Variants in PRKG1 observed in about 807,000 individuals in gnomAD.
PRKG1 encodes cGMP-dependent protein kinase 1.
PRKG1 carries 35 observed loss-of-function variants against 88.1 expected under a neutral mutation model. That is an observed-to-expected ratio of 0.40 (90% CI 0.30 to 0.53). The LOEUF is 0.53. PRKG1 is among the 20% of genes least tolerant of loss of function. PRKG1 has a pLI of 0.59. For missense variants in PRKG1, 540 were observed against 839.8 expected (o/e 0.64, Z 4.41); for synonymous variants, 303 against 292.5 (o/e 1.04, Z -0.37).
At chr10:51,223,026 C>T (rs7906841) in intron 2 of PRKG1, among the ~76,000 whole-genome samples, 6 of 147,740 alleles carry the variant, frequency 4.1e-5, no homozygotes, top group Non-Finnish European at 7.5e-5. Flanking sequence ...GGGGGTGGTG[C>T]GGGGGAGGGT....
intron 2 of PRKG1, among the ~76,000 whole-genome samples, chr10:51,371,461 A>G (rs1329805400): frequency 6.6e-6 from 1 of 152,132 alleles, no homozygotes; most frequent in African/African-American, 2.4e-5. Context: ...AGAGAGCGAG[A>G]GAGAAAAAAC....
chr10:51,363,957 GAGA>G lies in PRKG1; in HGVS notation c.479-103759_479-103757del, dbSNP rs1436898103. On this transcript the variant is annotated intron_variant, in intron 2 of 17. Transcript: ENST00000373980. ...CTTTGTTCTGTACAAATGGAAATTTGAGAAGAAGACCTCTTAGAAAATGCTAAA... is the reference window on the plus strand; with the variant it reads ...CTTTGTTCTGTACAAATGGAAATTTGAGAAGACCTCTTAGAAAATGCTAAA... Among the ~76,000 whole-genome samples the G allele has an allele frequency of 3.9e-5, 6 of 152,084 alleles. No homozygotes were observed. In the South Asian group the frequency reaches 1.0e-3, roughly 26 times the overall value.
At chr10:51,622,466 G>C (rs377010726) in intron 3 of PRKG1, among the ~76,000 whole-genome samples, 2 of 152,218 alleles carry the variant, frequency 1.3e-5, no homozygotes, top group South Asian at 2.1e-4. Context: ...GAAACTCTTT[G>C]GCAGCTATTT....
At chr10:51,163,471 G>C (rs892548742) in intron 2 of PRKG1, among the ~76,000 whole-genome samples, 2 of 152,150 alleles carry the variant, frequency 1.3e-5, no homozygotes, top group African/African-American at 2.4e-5. Context: ...CGCAGAAGAC[G>C]GGTGATTTCT....
chr10:51,312,832 C>CTTA (rs1841225928), intron 2 of PRKG1, among the ~76,000 whole-genome samples: 1 of 152,110 alleles, frequency 6.6e-6, no homozygotes, highest in Non-Finnish European at 1.5e-5. Flanking sequence ...ACTGTAAAAG[C>CTTA]TTATTCTTTG....
rs916436149 is a variant in PRKG1 at position 51,870,321 on chromosome 10, C to T, written c.699-37186C>T. On this transcript the variant is annotated intron_variant, in intron 4 of 17. Transcript: ENST00000373980. The stretch of plus-strand genomic sequence containing the variant: ...GGAATTAAAATTTCTTTATAAAAGA[C>T]GTCTTGTTCCTCCAGTGTTGTCAGA... Among the ~76,000 whole-genome samples, 6 of 152,118 alleles carry T rather than the reference C, an allele frequency of 3.9e-5. No individual in the cohort carries two copies. In the East Asian group the frequency reaches 7.8e-4, roughly 20 times the overall value.
At chr10:51,443,253 C>T (rs1463820474) in intron 2 of PRKG1, among the ~76,000 whole-genome samples, 2 of 151,958 alleles carry the variant, frequency 1.3e-5, no homozygotes, top group Non-Finnish European at 2.9e-5. Context: ...TAGAATATAG[C>T]CATGCTTACA....
intron 2 of PRKG1, among the ~76,000 whole-genome samples, chr10:51,340,535 C>G (rs1339975647): frequency 6.6e-6 from 1 of 152,140 alleles, no homozygotes; most frequent in Non-Finnish European, 1.5e-5. Flanking sequence ...GATGAATATG[C>G]AAAGACTTAA....
chr10:51,670,263 T>TA (rs982468862), intron 3 of PRKG1, among the ~76,000 whole-genome samples: 83 of 152,236 alleles, frequency 5.5e-4, no homozygotes, highest in African/African-American at 1.9e-3. Context: ...TTAATTTCAA[T>TA]ATGGTAATTT....
chr10:51,038,564 C>T (rs1339046088), intron 1 of PRKG1, among the ~76,000 whole-genome samples: 1 of 152,156 alleles, frequency 6.6e-6, no homozygotes, highest in Non-Finnish European at 1.5e-5. Context: ...CTCCCACAAA[C>T]AAGTGAGAGC....
intron 1 of PRKG1, among the ~76,000 whole-genome samples, chr10:51,012,998 C>T (rs902578846): frequency 3.3e-5 from 5 of 152,034 alleles, no homozygotes; most frequent in Admixed American, 2.6e-4. Context: ...GTTTGAGGTC[C>T]AGAAAAAAAG....
intron 3 of PRKG1, among the ~76,000 whole-genome samples, chr10:51,704,976 TGTG>T (rs1255591745): frequency 1.3e-5 from 2 of 152,206 alleles, no homozygotes; most frequent in Non-Finnish European, 2.9e-5. Context: ...TAATCTAAAT[TGTG>T]GTGGTTGTTC....
chr10:52,219,066 T>C (rs1840182231), intron 9 of PRKG1, among the ~76,000 whole-genome samples: 1 of 152,128 alleles, frequency 6.6e-6, no homozygotes, highest in Non-Finnish European at 1.5e-5. Context: ...TACATTCCCT[T>C]GTGGGACTTT....
chr10:51,228,093 C>T (rs768433094), intron 2 of PRKG1, among the ~76,000 whole-genome samples: 18 of 152,108 alleles, frequency 1.2e-4, no homozygotes, highest in Non-Finnish European at 1.2e-4. Flanking sequence ...GGAGGCTTCA[C>T]GGTACCAGGT....
intron 3 of PRKG1, among the ~76,000 whole-genome samples, chr10:51,784,239 A>G (rs1180709269): frequency 1.3e-5 from 2 of 152,150 alleles, no homozygotes; most frequent in African/African-American, 4.8e-5. Context: ...CTGTGCATGC[A>G]GGATTGGGCC....
At chr10:51,211,082 A>G (rs148410799) in intron 2 of PRKG1, among the ~76,000 whole-genome samples, 3,060 of 152,188 alleles carry the variant, frequency 0.02, 46 homozygotes, top group Middle Eastern at 0.051. Context: ...TACTGGCAAA[A>G]CGAATCCAGC....
intron 5 of PRKG1, among the ~76,000 whole-genome samples, chr10:51,953,721 GT>G (rs920963892): frequency 6.7e-5 from 10 of 148,384 alleles, no homozygotes; most frequent in South Asian, 4.3e-4. Flanking sequence ...GTGCGGTTTT[GT>G]TTTTTTTTTA....
chr10:51,311,430 C>A (rs1431784661), intron 2 of PRKG1, among the ~76,000 whole-genome samples: 1 of 152,184 alleles, frequency 6.6e-6, no homozygotes, highest in Non-Finnish European at 1.5e-5. Context: ...CAGTTACATG[C>A]AACAGTTTAG....
At chr10:52,198,141 C>T (rs1470553760) in intron 9 of PRKG1, among the ~76,000 whole-genome samples, 1 of 152,182 alleles carries the variant, frequency 6.6e-6, no homozygotes. Context: ...ATTTGTGTGA[C>T]TGAGCTTCTT....
Sources: allele counts gnomAD v4.1 joint callset (sites outside exome capture counted in the v4.1 genomes callset), GRCh38; gene constraint gnomAD v4.1.1; transcripts MANE v1.5; gene names NCBI Gene and HGNC (gene_info 2026-07-23, HGNC 2026-07-21).